The following TPI1 variants were observed in gnomAD, a reference collection of about 807,000 sequenced individuals.
TPI1 encodes the protein triosephosphate isomerase.
In TPI1, 11 loss-of-function variants were observed where a neutral mutation model predicts 31.0. The ratio of observed to expected loss-of-function variants is 0.36; its 90% CI spans 0.22 to 0.59. The LOEUF (loss-of-function observed/expected upper bound fraction) is 0.59, where lower values mean the gene tolerates loss of function less well. Among genes scored for constraint, TPI1 ranks in the 20% least tolerant of loss-of-function variants. The pLI is 0.79. For missense variants in TPI1, 245 were observed against 319.7 expected (o/e 0.77, Z 1.78); for synonymous variants, 121 against 122.8 (o/e 0.99, Z 0.10).
chr12:6,870,912 A>G lies in TPI1; in HGVS notation c.*529A>G, dbSNP rs1944575219. ...CTATATAAATGATCATTTGTGCAAGAAAAAAAAAAAAACAAGAACAGGTTT... is the reference window on the plus strand; with the variant it reads ...CTATATAAATGATCATTTGTGCAAGGAAAAAAAAAAAACAAGAACAGGTTT... On this transcript the variant is annotated 3_prime_UTR_variant, in exon 7 of 7. Coordinates refer to ENST00000396705, the MANE Select transcript of TPI1 (RefSeq NM_000365.6). The G allele has an allele frequency of 8.8e-6, 3 of 341,806 alleles. No homozygotes were observed. Among genetic ancestry groups the G allele is most frequent in the Admixed American group, 3.8e-5 (1 of 26,614 alleles). 21.2% of individuals were successfully genotyped at this position (341,806 alleles called of 1,614,324 possible). A position where few individuals can be genotyped will look rare whatever the true frequency, so the allele number is the denominator to read the frequency against.
In TPI1 at chr12:6,870,476, G is replaced by T. The variant is rs782571455; in HGVS notation, c.*93G>T. ...CCCTTTCCCTGCATATGCTTCTGAT[G>T]GTGTCATCTGCTCCTTCCTGTGGCC... is the stretch of plus-strand genomic sequence containing the variant. On this transcript the variant is annotated 3_prime_UTR_variant, in exon 7 of 7. Coordinates refer to ENST00000396705, the MANE Select transcript of TPI1 (RefSeq NM_000365.6). 1 of 936,154 alleles carries T rather than the reference G, an allele frequency of 1.1e-6. No individual in the cohort carries two copies. The highest frequency in any genetic ancestry group is 1.8e-6 in the Non-Finnish European group (1 of 562,286). 58.0% of individuals were successfully genotyped at this position (936,154 alleles called of 1,614,324 possible).
chr12:6,869,128 C>T lies in TPI1; in HGVS notation c.269C>T (p.Thr90Met), dbSNP rs782474342. The T allele has an allele frequency of 8.1e-6, 13 of 1,614,032 alleles. No individual in the cohort carries two copies. Among genetic ancestry groups the T allele is most frequent in the Admixed American group, 6.7e-5 (4 of 59,992 alleles). ...GGCATGATCAAAGACTGCGGAGCCA[C>T]GTGGGTGGTCCTGGGGCACTCAGAG... Reference protein sequence around the residue: ...SPGMIKDCGATWVVLGHSERR... With the variant: ...SPGMIKDCGAMWVVLGHSERR... The change falls in exon 3 of 7, where the codon ACG (threonine) becomes ATG (methionine). Residue 90 changes from threonine (T) to methionine (M), a missense_variant. Around this residue, in one of 3 missense-constraint regions of TPI1, gnomAD observed 23 missense variants for 59.6 expected, o/e 0.39. Coordinates refer to ENST00000396705, the MANE Select transcript of TPI1 (RefSeq NM_000365.6).
intron 4 of TPI1, 47 bp from the exon 5 acceptor site, chr12:6,869,641 G>A (rs1474039439): frequency 1.9e-6 from 3 of 1,606,268 alleles, no homozygotes; most frequent in African/African-American, 1.3e-5. Flanking sequence ...TGGCTGGAGA[G>A]CTCTTTCTTG....
chr12:6,867,831 G>C, intron 1 of TPI1, 150 bp downstream of exon 1: 2 of 893,522 alleles, frequency 2.2e-6, no homozygotes, highest in South Asian at 4.2e-5. Flanking sequence ...TGGGGTCCGG[G>C]CAGGGGCCTC....
In TPI1 at chr12:6,870,104, C is replaced by G; in HGVS notation, c.599C>G (p.Ala200Gly). 1 of 1,614,168 alleles carries G rather than the reference C, an allele frequency of 6.2e-7. No individual in the cohort carries two copies. Among genetic ancestry groups the G allele is most frequent in the Non-Finnish European group, 8.5e-7 (1 of 1,180,006 alleles). Residue 200 changes from alanine to glycine, a missense_variant, in exon 6 of 7, where the codon GCG (alanine) becomes GGG (glycine). Physicochemically the swap from Ala to Gly is moderately conservative, Grantham distance 60. Transcript: ENST00000396705. Reference sequence around the variant, plus strand: ...TGGCTGAAGTCCAACGTCTCTGATGCGGTGGCTCAGAGCACCCGTATCATT... The same window carrying G: ...TGGCTGAAGTCCAACGTCTCTGATGGGGTGGCTCAGAGCACCCGTATCATT... ...RGWLKSNVSD[A>G]VAQSTRIIYG...
rs1555132640 is a variant in TPI1 at position 6,870,362 on chromosome 12, C to T, written c.729C>T (p.Asp243=). 1.9e-6 allele frequency: 3 copies of T among 1,613,424 alleles called. No homozygotes were observed. The highest frequency in any genetic ancestry group is 2.2e-5 in the East Asian group (1 of 44,874). ...GGASLKPEFV[D]IINAKQ ...CTTCCCTCAAGCCCGAATTCGTGGACATCATCAATGCCAAACAATGAGCCC... is the reference window on the plus strand; with the variant it reads ...CTTCCCTCAAGCCCGAATTCGTGGATATCATCAATGCCAAACAATGAGCCC... The change falls in exon 7 of 7, where the codon GAC becomes GAT. Residue 243 remains aspartate, a synonymous_variant. Transcript: ENST00000396705.
intron 1 of TPI1, 127 bp downstream of exon 1, chr12:6,867,808 G>A: frequency 9.5e-7 from 1 of 1,052,604 alleles, no homozygotes; most frequent in Non-Finnish European, 1.3e-6. Context: ...CAGGGCTGTG[G>A]GACGAGGGCC....
In TPI1 at chr12:6,867,602, CTG is replaced by C; in HGVS notation, c.37_38del (p.Trp13GlufsTer59). ...CCAGGAAGTTCTTCGTTGGGGGAAA[CTG>C]GAAGATGAACGGGCGGAAGCAGAGT... ...PSRKFFVGGNWKMNGRKQSLG... is the reference protein window; with the variant it reads ...PSRKFFVGGNXKMNGRKQSLG... On this transcript the variant is annotated frameshift_variant, in exon 1 of 7. Coordinates refer to ENST00000396705, the MANE Select transcript of TPI1 (RefSeq NM_000365.6). LOFTEE classifies it high-confidence loss of function. The C allele has an allele frequency of 6.2e-7, 1 of 1,613,084 alleles. No individual in the cohort carries two copies. Among genetic ancestry groups the C allele is most frequent in the Non-Finnish European group, 8.5e-7 (1 of 1,179,766 alleles).
At chr12:6,868,225 G>A (rs1944503352) in intron 1 of TPI1, 1 of 1,287,688 alleles carries the variant, frequency 7.8e-7, no homozygotes, top group Non-Finnish European at 1.0e-6. Context: ...AAGGGACCGA[G>A]CCCGTGCCAA....
chr12:6,868,162 C>CA (rs1164328261), intron 1 of TPI1: 1 of 1,287,508 alleles, frequency 7.8e-7, no homozygotes, highest in African/African-American at 1.5e-5. Flanking sequence ...CTCCCTGAGC[C>CA]CCAGATCTGA....
Position 6,870,932 on chromosome 12 carries a change from A to T in TPI1, c.*549A>T, listed in dbSNP as rs114310136. On this transcript the variant is annotated 3_prime_UTR_variant, in exon 7 of 7. Coordinates refer to ENST00000396705, the MANE Select transcript of TPI1 (RefSeq NM_000365.6). ...GCAAGAAAAAAAAAAAAACAAGAAC[A>T]GGTTTCTATAACAACATCTCTTACT... 1.5e-6 allele frequency: 1 copy of T among 667,226 alleles called. No individual in the cohort carries two copies. The highest frequency in any genetic ancestry group is 1.8e-5 in the African/African-American group (1 of 55,568). 41.3% of individuals were successfully genotyped at this position (667,226 alleles called of 1,614,324 possible).
chr12:6,869,203 G>A lies in TPI1; in HGVS notation c.324+20G>A. On this transcript the variant is annotated intron_variant, in intron 3 of 6. Transcript: ENST00000396705. ...GATGAGGTTAGTAGCCAAGAGAGAA[G>A]ATAAGGGATGTCTTTTTCCAAGAAG... The A allele has an allele frequency of 6.2e-7, 1 of 1,614,182 alleles. No homozygotes were observed. Among genetic ancestry groups the A allele is most frequent in the Non-Finnish European group, 8.5e-7 (1 of 1,180,018 alleles).
In TPI1 at chr12:6,867,643, T is replaced by G; in HGVS notation, c.77T>G (p.Ile26Ser). Residue 26 changes from isoleucine to serine, a missense_variant, in exon 1 of 7, where the codon ATC becomes AGC. Ile to Ser is a moderately radical substitution (Grantham distance 142). Around this residue, in one of 3 missense-constraint regions of TPI1, gnomAD observed 95 missense variants for 96.4 expected, o/e 0.99. Coordinates refer to ENST00000396705, the MANE Select transcript of TPI1 (RefSeq NM_000365.6). ...NGRKQSLGEL[I>S]GTLNAAKVPA... is the part of the protein sequence containing the mutation. ...CGGAAGCAGAGTCTGGGGGAGCTCA[T>G]CGGCACTCTGAACGCGGCCAAGGTG... is the stretch of plus-strand genomic sequence containing the variant. 2 of 1,611,194 alleles carry G rather than the reference T, an allele frequency of 1.2e-6. No homozygotes were observed. Among genetic ancestry groups the G allele is most frequent in the Non-Finnish European group, 1.7e-6 (2 of 1,179,194 alleles).
intron 6 of TPI1, 49 bp downstream of exon 6, chr12:6,870,185 C>T (rs782768995): frequency 6.3e-7 from 1 of 1,599,918 alleles, no homozygotes; most frequent in Admixed American, 1.7e-5. Context: ...GAGGACTAGA[C>T]TGAGCCCTCG....
Position 6,870,432 on chromosome 12 carries a change from C to T in TPI1, c.*49C>T, listed in dbSNP as rs782153172. The T allele has an allele frequency of 5.1e-6, 7 of 1,378,038 alleles. No homozygotes were observed. In the Admixed American group the frequency reaches 1.0e-4, roughly 20 times the overall value. 85.4% of individuals were successfully genotyped at this position (1,378,038 alleles called of 1,614,324 possible). On this transcript the variant is annotated 3_prime_UTR_variant, in exon 7 of 7. Coordinates refer to ENST00000396705, the MANE Select transcript of TPI1 (RefSeq NM_000365.6). Reference sequence around the variant, plus strand: ...TCCTGCCAAGCCAGGGACTAAGCAGCCCAGAAGCCCAGTAACTGCCCTTTC... The same window carrying T: ...TCCTGCCAAGCCAGGGACTAAGCAGTCCAGAAGCCCAGTAACTGCCCTTTC...
intron 1 of TPI1, chr12:6,868,557 A>G: frequency 1.5e-6 from 2 of 1,300,526 alleles, no homozygotes; most frequent in Non-Finnish European, 2.0e-6. Flanking sequence ...TCCCTGGAGA[A>G]TGCTGAGTCT....
At chr12:6,868,561 T>G in intron 1 of TPI1, 18 of 1,305,898 alleles carry the variant, frequency 1.4e-5, no homozygotes, top group Non-Finnish European at 1.7e-5. Context: ...TGGAGAATGC[T>G]GAGTCTGTGA....
At chr12:6,868,129 G>A (rs1226299267) in intron 1 of TPI1, 2 of 1,270,454 alleles carry the variant, frequency 1.6e-6, no homozygotes, top group African/African-American at 1.6e-5. Flanking sequence ...CGGCGTCCGC[G>A]TCCCCGCGCC....
chr12:6,869,966 C>G (rs1944550343), intron 5 of TPI1, 83 bp from the exon 6 acceptor site: 1 of 1,520,954 alleles, frequency 6.6e-7, no homozygotes, highest in South Asian at 1.1e-5. Context: ...AGTCAGAAAC[C>G]ACACTAAGTG....
Sources: gnomAD v4.1 joint callset for allele counts on GRCh38, gnomAD v4.1.1 for gene constraint, gnomAD v4.1.1 regional missense constraint, MANE v1.5 for transcripts, NCBI Gene and HGNC (gene_info 2026-07-23, HGNC 2026-07-21) for gene names.